STK32C: variants seen among roughly 807,000 people sequenced by gnomAD.
STK32C encodes serine/threonine kinase 32C.
In STK32C, 31 loss-of-function variants were observed where a neutral mutation model predicts 56.5. The observed-to-expected ratio is 0.55, with a 90% CI of 0.41 to 0.74. The LOEUF is 0.74. STK32C is among the 30% of genes least tolerant of loss of function. STK32C has a pLI of 0.00. For synonymous variants in STK32C, 309 were observed against 289.4 expected (o/e 1.07, Z -0.69); for missense variants, 544 against 676.9 (o/e 0.80, Z 2.18).
intron 1 of STK32C, among the ~76,000 whole-genome samples, chr10:132,297,891 C>T (rs1366203456): frequency 6.6e-6 from 1 of 152,228 alleles, no homozygotes; most frequent in African/African-American, 2.4e-5. Context: ...TTTGTTTGTT[C>T]TCAAGTACAA....
At position 132,315,935 on chromosome 10, in the gene STK32C, A is replaced by G. The variant is rs142890662; in HGVS notation, c.301+15501T>C. 6.1e-4 allele frequency among the ~76,000 whole-genome samples: 93 copies of G among 152,380 alleles called. 1 individual carries two copies. Among genetic ancestry groups the G allele is most frequent in the African/African-American group, 2.2e-3 (91 of 41,588 alleles). The stretch of plus-strand genomic sequence containing the variant: ...GAGTCCAACATTTGGAAATTAAACA[A>G]TAATCCATTATCAAATAATGAATCA... On this transcript the variant is annotated intron_variant, in intron 1 of 3. Transcript: ENST00000368620.
upstream of STK32C, among the ~76,000 whole-genome samples, chr10:132,311,589 G>A (rs886119642): frequency 6.6e-6 from 1 of 152,236 alleles, no homozygotes; most frequent in African/African-American, 2.4e-5. This position sits in a 1 kb window ranked among gnomAD's most constrained non-coding sequence, Gnocchi z 4.4. Flanking sequence ...AGAACATGCA[G>A]GACGGGCTGC....
At chr10:132,279,720 C>CGTGAT (rs1294416518) in intron 1 of STK32C, among the ~76,000 whole-genome samples, 58 of 150,764 alleles carry the variant, frequency 3.8e-4, no homozygotes, top group African/African-American at 1.3e-3. Context: ...CACTCCACTC[C>CGTGAT]CTGATCACAC....
intron 1 of STK32C, among the ~76,000 whole-genome samples, chr10:132,331,261 T>G (rs1369774859): frequency 6.8e-6 from 1 of 147,784 alleles, no homozygotes; most frequent in Non-Finnish European, 1.5e-5. Context: ...ACTGTCCGGG[T>G]TTCCAGAGTG....
At chr10:132,248,460 C>T (rs1472051774) in intron 1 of STK32C, among the ~76,000 whole-genome samples, 1 of 152,240 alleles carries the variant, frequency 6.6e-6, no homozygotes, top group Admixed American at 6.5e-5. Flanking sequence ...CTCCGCTGGG[C>T]GGCTCTGGGT....
chr10:132,224,825 T>C (rs1642704096), intron 7 of STK32C, among the ~76,000 whole-genome samples: 1 of 152,120 alleles, frequency 6.6e-6, no homozygotes, highest in Non-Finnish European at 1.5e-5. Flanking sequence ...TGGGGTCCTG[T>C]GCAGGGCTGA....
chr10:132,241,530 C>T (rs2063499626), intron 2 of STK32C, among the ~76,000 whole-genome samples: 1 of 152,208 alleles, frequency 6.6e-6, no homozygotes, highest in Non-Finnish European at 1.5e-5. Context: ...TGGGTAAGAT[C>T]TCAACTTTGC....
At position 132,222,879 on chromosome 10, in the gene STK32C, C is replaced by T; in HGVS notation, c.1101G>A (p.Glu367=). ...GGCTTACGTTGGGCACGAAGCCCGGCTCCACCCTCTTCTCGCTCAGGTGGT... is the reference window on the plus strand; with the variant it reads ...GGCTTACGTTGGGCACGAAGCCCGGTTCCACCCTCTTCTCGCTCAGGTGGT... ...LWDHLSEKRV[E]PGFVPNKGRL... Residue 367 remains glutamate, a synonymous_variant, in exon 9 of 12, where the codon GAG becomes GAA. Coordinates refer to ENST00000298630, the MANE Select transcript of STK32C (RefSeq NM_173575.4). 2 of 1,577,386 alleles carry T rather than the reference C, an allele frequency of 1.3e-6. No individual in the cohort carries two copies. Among genetic ancestry groups the T allele is most frequent in the South Asian group, 1.2e-5 (1 of 86,836 alleles).
At chr10:132,312,175 T>A (rs945533038), upstream of STK32C, among the ~76,000 whole-genome samples, 1 of 152,110 alleles carries the variant, frequency 6.6e-6, no homozygotes, top group Non-Finnish European at 1.5e-5. Context: ...CCTGGCTGAT[T>A]TTTTGTGCTT....
intron 1 of STK32C, among the ~76,000 whole-genome samples, chr10:132,276,102 G>T (rs1033476013): frequency 3.3e-5 from 5 of 152,202 alleles, no homozygotes; most frequent in Non-Finnish European, 5.9e-5. Flanking sequence ...TGAGCCTGGA[G>T]GTAATTCTGG....
Position 132,217,960 on chromosome 10 carries a change from A to C in STK32C, c.1251+4681T>G, listed in dbSNP as rs1313878564. On this transcript the variant is annotated intron_variant, in intron 10 of 11. Coordinates refer to ENST00000298630, the MANE Select transcript of STK32C (RefSeq NM_173575.4). Reference sequence around the variant, plus strand: ...TCACCTTGTTGCCCAGGCTGGTCTCAAACTCCTGGACTCAAGCAGTCCTCT... The same window carrying C: ...TCACCTTGTTGCCCAGGCTGGTCTCCAACTCCTGGACTCAAGCAGTCCTCT... Among the ~76,000 whole-genome samples, 3 of 152,120 alleles carry C rather than the reference A, an allele frequency of 2.0e-5. No homozygotes were observed. In the East Asian group the frequency reaches 5.8e-4, roughly 29 times the overall value.
intron 1 of STK32C, chr10:132,331,386 G>A (rs1359962180): frequency 6.4e-7 from 1 of 1,551,022 alleles, no homozygotes; most frequent in Non-Finnish European, 8.7e-7. Context: ...CCCGCCCGGT[G>A]TCATTTCATC....
intron 1 of STK32C, among the ~76,000 whole-genome samples, chr10:132,279,865 G>T (rs1185560843): frequency 1.4e-5 from 2 of 147,420 alleles, no homozygotes; most frequent in South Asian, 2.2e-4. Context: ...TCACGCCCCT[G>T]CACTCTGTGA....
At chr10:132,277,133 G>C (rs867483446) in intron 1 of STK32C, among the ~76,000 whole-genome samples, 1 of 152,246 alleles carries the variant, frequency 6.6e-6, no homozygotes, top group African/African-American at 2.4e-5. Context: ...CAGAAGAGCC[G>C]AGCAGGGCCA....
At chr10:132,225,640 G>C in intron 5 of STK32C, 24 bp from the exon 6 acceptor site, 2 of 1,607,994 alleles carry the variant, frequency 1.2e-6, no homozygotes, top group Non-Finnish European at 1.7e-6. Flanking sequence ...GGTCAGGTGT[G>C]GCTGTCCCAG....
intron 1 of STK32C, among the ~76,000 whole-genome samples, chr10:132,302,894 G>C (rs772543198): frequency 6.6e-6 from 1 of 151,994 alleles, no homozygotes; most frequent in African/African-American, 2.4e-5. Flanking sequence ...ACCATCACGG[G>C]GCCACTAGAG....
downstream of STK32C, among the ~76,000 whole-genome samples, chr10:132,323,092 G>A (rs987774330): frequency 2.0e-5 from 3 of 152,094 alleles, no homozygotes; most frequent in Non-Finnish European, 4.4e-5. This position sits in a 1 kb window ranked among gnomAD's most constrained non-coding sequence, Gnocchi z 4.8. Flanking sequence ...TGTGTACTAT[G>A]ATTATTTCCC....
At chr10:132,249,869 C>T (rs1348932322) in intron 1 of STK32C, among the ~76,000 whole-genome samples, 1 of 152,256 alleles carries the variant, frequency 6.6e-6, no homozygotes, top group Non-Finnish European at 1.5e-5. Context: ...GACCACCGGC[C>T]CTGCCCCACG....
intron 1 of STK32C, among the ~76,000 whole-genome samples, chr10:132,301,283 T>C (rs2065904367): frequency 6.6e-6 from 1 of 152,124 alleles, no homozygotes; most frequent in Non-Finnish European, 1.5e-5. Flanking sequence ...GGTCCTCCAC[T>C]AATGTGAACC....
Sources: gnomAD v4.1 joint callset for allele counts (sites outside exome capture counted in the v4.1 genomes callset) on GRCh38, gnomAD v4.1.1 for gene constraint, Gnocchi (gnomAD v3.1) non-coding constraint, MANE v1.5 for transcripts, NCBI Gene and HGNC (gene_info 2026-07-23, HGNC 2026-07-21) for gene names.